Variants in GLIS1 observed in about 807,000 individuals in gnomAD.
GLIS1 encodes the protein zinc finger protein GLIS1.
A neutral mutation model predicts 63.8 loss-of-function variants in GLIS1; 24 were observed. The ratio of observed to expected loss-of-function variants is 0.38; its 90% CI spans 0.27 to 0.53. The LOEUF (loss-of-function observed/expected upper bound fraction) is 0.53, where lower values mean the gene tolerates loss of function less well. Among genes scored for constraint, GLIS1 ranks in the 20% least tolerant of loss-of-function variants. The pLI is 0.85. For synonymous variants in GLIS1, 450 were observed against 482.5 expected, an observed-to-expected ratio of 0.93 and a Z score of 0.88; for missense variants, 1,036 against 1,074.1, an observed-to-expected ratio of 0.96 and a Z score of 0.50.
intron 2 of GLIS1, among the ~76,000 whole-genome samples, chr1:53,714,390 G>C (rs549299076): frequency 9.2e-5 from 14 of 152,350 alleles, no homozygotes; most frequent in African/African-American, 3.4e-4. Flanking sequence ...TTTTATTGGA[G>C]TTTTGTATTA....
At chr1:53,657,557 C>T (rs901456899) in intron 2 of GLIS1, among the ~76,000 whole-genome samples, 10 of 152,154 alleles carry the variant, frequency 6.6e-5, no homozygotes, top group African/African-American at 2.4e-4. Flanking sequence ...TTTCCTGGAG[C>T]CCTGAGCTAC....
At chr1:53,599,378 C>A (rs1465165123) in intron 3 of GLIS1, among the ~76,000 whole-genome samples, 2 of 152,170 alleles carry the variant, frequency 1.3e-5, no homozygotes, top group Non-Finnish European at 2.9e-5. Flanking sequence ...CCCGAGCTAG[C>A]GTGTTCAGCC....
chr1:53,540,036 C>G lies in GLIS1; in HGVS notation c.1321-10084G>C, dbSNP rs1221055891. On this transcript the variant is annotated intron_variant, in intron 4 of 10. Transcript: ENST00000628545. ...CCTCCTTGTCACTCTAGGCTTGGCTCAAGCCTGAGGCCTTCCCAGTTCTCT... is the reference window on the plus strand; with the variant it reads ...CCTCCTTGTCACTCTAGGCTTGGCTGAAGCCTGAGGCCTTCCCAGTTCTCT... Among the ~76,000 whole-genome samples, 5 of 152,222 alleles carry G rather than the reference C, an allele frequency of 3.3e-5. 1 individual carries two copies. The highest frequency in any genetic ancestry group is 7.3e-5 in the Non-Finnish European group (5 of 68,034).
At chr1:53,706,581 G>T (rs1171686950) in intron 2 of GLIS1, among the ~76,000 whole-genome samples, 3 of 152,184 alleles carry the variant, frequency 2.0e-5, no homozygotes, top group Non-Finnish European at 4.4e-5. Context: ...CCCCACCAGG[G>T]ACCACTTCCT....
intron 2 of GLIS1, among the ~76,000 whole-genome samples, chr1:53,609,120 T>G (rs1645400081): frequency 6.6e-6 from 1 of 152,202 alleles, no homozygotes; most frequent in South Asian, 2.1e-4. Context: ...TTTTTATTAC[T>G]TAAACCAAAA....
intron 2 of GLIS1, among the ~76,000 whole-genome samples, chr1:53,653,684 G>C (rs944153681): frequency 4.6e-5 from 7 of 152,168 alleles, no homozygotes; most frequent in African/African-American, 1.7e-4. Flanking sequence ...TGTGCCTGCA[G>C]ATGTTTTATC....
In GLIS1 at chr1:53,709,638, T is replaced by G. The variant is rs142045783; in HGVS notation, c.259+28168A>C. ...ATTCATATTTACTCTCCGATCTGAT[T>G]CATTTTTAAAGGAAAGTCAGGGTGT... is the stretch of plus-strand genomic sequence containing the variant. On this transcript the variant is annotated intron_variant, in intron 2 of 10. Transcript: ENST00000628545. Among the ~76,000 whole-genome samples the G allele has an allele frequency of 9.2e-5, 14 of 152,212 alleles. 1 individual carries two copies. In the South Asian group the frequency reaches 1.7e-3, roughly 18 times the overall value.
chr1:53,655,698 A>T (rs181174010), intron 2 of GLIS1, among the ~76,000 whole-genome samples: 4 of 152,312 alleles, frequency 2.6e-5, no homozygotes, highest in Admixed American at 2.6e-4. Flanking sequence ...CGAGGATGAG[A>T]ACCACATCTT....
intron 4 of GLIS1, among the ~76,000 whole-genome samples, chr1:53,542,992 T>C (rs1312399815): frequency 6.6e-6 from 1 of 152,212 alleles, no homozygotes; most frequent in East Asian, 1.9e-4. Context: ...GATAAATGAC[T>C]CTACGGGCCC....
rs1333083330 is a variant in GLIS1, at chr1:53,720,199, A to C, written c.259+17607T>G. 3.3e-5 allele frequency among the ~76,000 whole-genome samples: 5 copies of C among 152,146 alleles called. No individual in the cohort carries two copies. The East Asian group carries it at 9.6e-4, about 29-fold the overall frequency. On this transcript the variant is annotated intron_variant, in intron 2 of 10. Transcript: ENST00000628545. ...TCAAAAACAATAATAATAATAGTAA[A>C]AGGATACCATCACCATTACAGCACT...
rs1644477418 is a variant in GLIS1, at chr1:53,526,993, C to T, written c.1483-2106G>A. Among the ~76,000 whole-genome samples, 1 of 152,242 alleles carries T rather than the reference C, an allele frequency of 6.6e-6. No homozygotes were observed. Among genetic ancestry groups the T allele is most frequent in the Non-Finnish European group, 1.5e-5 (1 of 68,052 alleles). On this transcript the variant is annotated intron_variant, in intron 5 of 10. Coordinates refer to ENST00000628545, the MANE Select transcript of GLIS1 (RefSeq NM_001367484.1). This position sits in a 1 kb window ranked among gnomAD's most constrained non-coding sequence, Gnocchi z 4.4. ...GCCGTGCGGAGCCCCTGCCCGTCTGCACTTGGAGGCCAGCTCTGCTGGGAG... is the reference window on the plus strand; with the variant it reads ...GCCGTGCGGAGCCCCTGCCCGTCTGTACTTGGAGGCCAGCTCTGCTGGGAG...
intron 4 of GLIS1, among the ~76,000 whole-genome samples, chr1:53,567,077 C>T (rs1644942541): frequency 6.6e-6 from 1 of 152,196 alleles, no homozygotes; most frequent in Non-Finnish European, 1.5e-5. Flanking sequence ...AAGTTCGGAA[C>T]TTCCTAGAGA....
At chr1:53,556,912 G>T (rs1049071292) in intron 4 of GLIS1, among the ~76,000 whole-genome samples, 1 of 149,844 alleles carries the variant, frequency 6.7e-6, no homozygotes, top group Non-Finnish European at 1.5e-5. Flanking sequence ...GCAGGTATGT[G>T]TGTGTGTGTG....
At chr1:53,596,799 G>A (rs1569889528) in intron 3 of GLIS1, among the ~76,000 whole-genome samples, 1 of 152,104 alleles carries the variant, frequency 6.6e-6, no homozygotes, top group Non-Finnish European at 1.5e-5. Context: ...GCTGAGATGG[G>A]GATAATCAGT....
At chr1:53,515,267 CGGCAGTGCCTTCTAACA>C (rs942210530) in intron 7 of GLIS1, among the ~76,000 whole-genome samples, 8 of 152,092 alleles carry the variant, frequency 5.3e-5, no homozygotes, top group Non-Finnish European at 1.2e-4. Context: ...GCCCAGGGCT[CGGCAGTGCCTTCTAACA>C]GGCAGTGCTG....
chr1:53,565,102 G>A (rs1644926018), intron 4 of GLIS1, among the ~76,000 whole-genome samples: 1 of 151,922 alleles, frequency 6.6e-6, no homozygotes. Context: ...GGCAAAAAAT[G>A]TTCCTATGTT....
At chr1:53,724,245 G>A (rs796280055) in intron 2 of GLIS1, among the ~76,000 whole-genome samples, 24 of 152,288 alleles carry the variant, frequency 1.6e-4, no homozygotes, top group African/African-American at 5.8e-4. Flanking sequence ...AGAGTGTCAG[G>A]AAACAGGTGA....
chr1:53,627,939 G>A (rs1322542161), intron 2 of GLIS1, among the ~76,000 whole-genome samples: 1 of 152,198 alleles, frequency 6.6e-6, no homozygotes, highest in Admixed American at 6.5e-5. Flanking sequence ...CAGGCTATGT[G>A]GCCTGTGTCT....
At chr1:53,681,597 G>C (rs1353375835) in intron 2 of GLIS1, among the ~76,000 whole-genome samples, 1 of 152,248 alleles carries the variant, frequency 6.6e-6, no homozygotes, top group African/African-American at 2.4e-5. Flanking sequence ...GACAAAGCAG[G>C]GGACTGGACT....
Sources: gnomAD v4.1 joint callset for allele counts (sites outside exome capture counted in the v4.1 genomes callset) on GRCh38, gnomAD v4.1.1 for gene constraint, Gnocchi (gnomAD v3.1) non-coding constraint, MANE v1.5 for transcripts, NCBI Gene and HGNC (gene_info 2026-07-23, HGNC 2026-07-21) for gene names.